CDH12: variants seen among roughly 807,000 people sequenced by gnomAD.
The protein encoded by CDH12 is cadherin 12.
CDH12 carries 41 observed loss-of-function variants against 74.1 expected under a neutral mutation model. The ratio of observed to expected loss-of-function variants is 0.55; its 90% CI spans 0.43 to 0.72. CDH12 has a LOEUF of 0.72. Among genes scored for constraint, CDH12 ranks in the 30% least tolerant of loss-of-function variants. The probability of loss-of-function intolerance (pLI) is 0.00; values close to 1 mark genes in which losing one functional copy is unlikely to be tolerated. For missense variants in CDH12, 945 were observed against 977.2 expected (o/e 0.97, Z 0.44); for synonymous variants, 399 against 355.0 (o/e 1.12, Z -1.39).
chr5:22,684,930 G>T (rs1741679646), intron 1 of CDH12, among the ~76,000 whole-genome samples: 1 of 152,104 alleles, frequency 6.6e-6, no homozygotes. Context: ...GAGTTTTGTT[G>T]TTGTTGTTTT....
intron 3 of CDH12, among the ~76,000 whole-genome samples, chr5:22,302,842 A>G (rs566512840): frequency 1.3e-5 from 2 of 152,230 alleles, no homozygotes; most frequent in Admixed American, 1.3e-4. Flanking sequence ...TAGGAACGTA[A>G]AACTGATTAA....
At chr5:22,283,850 T>C (rs567794005) in intron 3 of CDH12, among the ~76,000 whole-genome samples, 1 of 152,280 alleles carries the variant, frequency 6.6e-6, no homozygotes, top group East Asian at 1.9e-4. Flanking sequence ...AATGTATGTG[T>C]ATATTAAAAC....
intron 2 of CDH12, among the ~76,000 whole-genome samples, chr5:22,425,442 C>A (rs1311684097): frequency 2.0e-5 from 3 of 151,248 alleles, no homozygotes; most frequent in African/African-American, 7.3e-5. Context: ...CTGGCAGTTC[C>A]TGTAGCACAG....
intron 3 of CDH12, among the ~76,000 whole-genome samples, chr5:22,391,345 T>C (rs1361957156): frequency 1.3e-5 from 2 of 152,206 alleles, no homozygotes; most frequent in African/African-American, 4.8e-5. Context: ...AGGAAGTTAT[T>C]GTCATCTGTT....
Position 22,395,743 on chromosome 5 carries a change from C to T in CDH12, c.-333+9514G>A, listed in dbSNP as rs577907906. ...GAAATAAATGTAGGGAACATCGCCACGTAGATGATATTTAGTGATATGGAG... is the reference window on the plus strand; with the variant it reads ...GAAATAAATGTAGGGAACATCGCCATGTAGATGATATTTAGTGATATGGAG... On this transcript the variant is annotated intron_variant, in intron 3 of 14. Coordinates refer to ENST00000382254, the MANE Select transcript of CDH12 (RefSeq NM_004061.5). Among the ~76,000 whole-genome samples the T allele has an allele frequency of 5.9e-5, 9 of 152,062 alleles. No individual in the cohort carries two copies. In the South Asian group the frequency reaches 1.2e-3, roughly 21 times the overall value.
chr5:21,951,015 C>A (rs763642701), intron 6 of CDH12, among the ~76,000 whole-genome samples: 1 of 151,676 alleles, frequency 6.6e-6, no homozygotes, highest in Non-Finnish European at 1.5e-5. Flanking sequence ...TCTCGATCTC[C>A]TGACCTTGTG....
At chr5:22,483,881 T>G (rs563993425) in intron 2 of CDH12, among the ~76,000 whole-genome samples, 2 of 148,310 alleles carry the variant, frequency 1.3e-5, no homozygotes, top group South Asian at 2.2e-4. Context: ...ATATTCAGGT[T>G]CAGGTAAGAC....
Position 22,828,351 on chromosome 5 carries a change from C to T in CDH12, c.-523+24707G>A, listed in dbSNP as rs189709694. On this transcript the variant is annotated intron_variant, in intron 1 of 14. Coordinates refer to ENST00000382254, the MANE Select transcript of CDH12 (RefSeq NM_004061.5). ...GGTAATTGTAGACTGAACAAATGGT[C>T]TTATCAAAATGATGCTGGTTTTGGA... 7.9e-5 allele frequency among the ~76,000 whole-genome samples: 12 copies of T among 152,154 alleles called. No homozygotes were observed. The East Asian group carries it at 2.3e-3, about 29-fold the overall frequency.
At chr5:22,022,933 A>C (rs1738082176) in intron 5 of CDH12, among the ~76,000 whole-genome samples, 1 of 152,156 alleles carries the variant, frequency 6.6e-6, no homozygotes, top group African/African-American at 2.4e-5. Flanking sequence ...GTGCAAAATA[A>C]TCTAACTGGT....
chr5:21,770,644 C>T (rs1007843688), intron 11 of CDH12, among the ~76,000 whole-genome samples: 4 of 151,472 alleles, frequency 2.6e-5, no homozygotes, highest in African/African-American at 4.8e-5. Context: ...AGTTAAAATT[C>T]GGTATTGTGA....
chr5:22,224,653 T>C (rs1179950322), intron 3 of CDH12, among the ~76,000 whole-genome samples: 6 of 152,042 alleles, frequency 3.9e-5, no homozygotes, highest in African/African-American at 1.4e-4. Flanking sequence ...ATAGTCATAT[T>C]TGACCTATGG....
intron 5 of CDH12, among the ~76,000 whole-genome samples, chr5:22,019,761 T>C (rs1290349259): frequency 6.6e-6 from 1 of 152,164 alleles, no homozygotes; most frequent in Non-Finnish European, 1.5e-5. Flanking sequence ...AAGGCAGACA[T>C]CTTACATAAT....
intron 1 of CDH12, among the ~76,000 whole-genome samples, chr5:22,803,689 T>G (rs1357468397): frequency 6.6e-6 from 1 of 152,178 alleles, no homozygotes; most frequent in Non-Finnish European, 1.5e-5. Context: ...CTTTTTCATA[T>G]CTATAGAAAA....
intron 1 of CDH12, among the ~76,000 whole-genome samples, chr5:22,850,025 A>G (rs1737473805): frequency 6.7e-6 from 1 of 149,540 alleles, no homozygotes; most frequent in Non-Finnish European, 1.5e-5. Context: ...ATGAAGTGAT[A>G]ATTAATAATT....
chr5:22,112,080 A>C (rs1012065836), intron 4 of CDH12, among the ~76,000 whole-genome samples: 1 of 134,688 alleles, frequency 7.4e-6, no homozygotes, highest in African/African-American at 2.8e-5. Context: ...CAGGTAAATT[A>C]AACTGCTCTG....
intron 6 of CDH12, among the ~76,000 whole-genome samples, chr5:21,904,577 C>T (rs1356724991): frequency 2.0e-5 from 3 of 151,474 alleles, no homozygotes; most frequent in East Asian, 1.9e-4. Context: ...AAGACCAGCC[C>T]GAGTAACATA....
intron 3 of CDH12, among the ~76,000 whole-genome samples, chr5:22,368,895 G>A (rs573366883): frequency 2.6e-5 from 4 of 152,198 alleles, no homozygotes; most frequent in East Asian, 1.9e-4. Flanking sequence ...TTGGGAGGCC[G>A]AGGTGGGCAG....
At chr5:22,442,546 G>A (rs1260647232) in intron 2 of CDH12, among the ~76,000 whole-genome samples, 2 of 152,070 alleles carry the variant, frequency 1.3e-5, no homozygotes, top group South Asian at 2.1e-4. Context: ...GACATAGATC[G>A]AACTGAAATC....
chr5:22,013,492 T>G (rs1737415272), intron 5 of CDH12, among the ~76,000 whole-genome samples: 1 of 152,164 alleles, frequency 6.6e-6, no homozygotes, highest in Non-Finnish European at 1.5e-5. Flanking sequence ...GCAAAAATTG[T>G]AAATACATAT....
Sources: allele counts gnomAD v4.1 joint callset (sites outside exome capture counted in the v4.1 genomes callset), GRCh38; gene constraint gnomAD v4.1.1; transcripts MANE v1.5; gene names NCBI Gene and HGNC (gene_info 2026-07-23, HGNC 2026-07-21).